Variants in CTDSPL observed in about 807,000 individuals in gnomAD.
CTDSPL encodes the protein CTD small phosphatase-like protein.
In CTDSPL, 8 loss-of-function variants were observed where a neutral mutation model predicts 30.5. The observed-to-expected ratio is 0.26, with a 90% CI of 0.15 to 0.47. The LOEUF is 0.47. Ranked by LOEUF, CTDSPL falls within the 20% of genes least tolerant of loss-of-function variation. The pLI is 0.99. For missense variants in CTDSPL, 248 were observed against 366.1 expected (o/e 0.68, Z 2.63); for synonymous variants, 110 against 137.9 (o/e 0.80, Z 1.42).
intron 1 of CTDSPL, among the ~76,000 whole-genome samples, chr3:37,863,772 C>T (rs1358199563): frequency 6.6e-6 from 1 of 152,238 alleles, no homozygotes; most frequent in African/African-American, 2.4e-5. Context: ...GTCAGAAAAA[C>T]GGAAGGAACC....
At chr3:37,903,901 C>G (rs1327839666) in intron 1 of CTDSPL, among the ~76,000 whole-genome samples, 1 of 152,222 alleles carries the variant, frequency 6.6e-6, no homozygotes, top group Non-Finnish European at 1.5e-5. Context: ...GGTCACCAGG[C>G]CAGCCTTTAC....
At chr3:37,904,382 G>A (rs908723334) in intron 1 of CTDSPL, among the ~76,000 whole-genome samples, 68 of 152,204 alleles carry the variant, frequency 4.5e-4, no homozygotes, top group Non-Finnish European at 1.0e-4. Flanking sequence ...GACCCGCCCA[G>A]TGGATGGAAG....
chr3:37,882,218 G>A (rs1030981617), intron 1 of CTDSPL, among the ~76,000 whole-genome samples: 19 of 151,924 alleles, frequency 1.3e-4, no homozygotes, highest in African/African-American at 3.4e-4. Flanking sequence ...CGAGGCGGGC[G>A]GATCACGAGG....
intron 1 of CTDSPL, among the ~76,000 whole-genome samples, chr3:37,945,400 C>CTGTATTTTCTCAATAGT (rs1319152386): frequency 7.5e-6 from 1 of 133,474 alleles, no homozygotes; most frequent in Non-Finnish European, 1.8e-5. Flanking sequence ...CACAATCCTG[C>CTGTATTTTCTCAATAGT]TGTATTTTCT....
At chr3:37,934,327 TAAAA>T (rs879495242) in intron 1 of CTDSPL, among the ~76,000 whole-genome samples, 3 of 142,088 alleles carry the variant, frequency 2.1e-5, no homozygotes, top group South Asian at 2.2e-4. Context: ...CCCTCTCTCT[TAAAA>T]AAAAAAAAGA....
intron 1 of CTDSPL, among the ~76,000 whole-genome samples, chr3:37,899,243 C>T (rs984397011): frequency 6.6e-6 from 1 of 152,168 alleles, no homozygotes; most frequent in Non-Finnish European, 1.5e-5. Flanking sequence ...AATGGAGGAG[C>T]TCACCTAGGG....
At chr3:37,894,279 G>A (rs947908944) in intron 1 of CTDSPL, among the ~76,000 whole-genome samples, 3 of 150,692 alleles carry the variant, frequency 2.0e-5, no homozygotes, top group Admixed American at 6.6e-5. Context: ...TTTTTTTGTA[G>A]AGACGAGAGT....
intron 2 of CTDSPL, among the ~76,000 whole-genome samples, chr3:37,956,157 G>GAC (rs1699170478): frequency 6.6e-6 from 1 of 152,200 alleles, no homozygotes; most frequent in Non-Finnish European, 1.5e-5. Flanking sequence ...ACTAGGGGTT[G>GAC]GAGATAATCA....
chr3:37,949,794 C>T (rs1699087364), intron 2 of CTDSPL, among the ~76,000 whole-genome samples: 2 of 152,198 alleles, frequency 1.3e-5, no homozygotes, highest in African/African-American at 4.8e-5. Flanking sequence ...TATTAAAATT[C>T]CCTCCCAGGA....
intron 7 of CTDSPL, among the ~76,000 whole-genome samples, chr3:37,976,215 G>C (rs1377504096): frequency 6.6e-6 from 1 of 152,094 alleles, no homozygotes; most frequent in African/African-American, 2.4e-5. Context: ...TCGTCTTATT[G>C]ACATTTTTAG....
intron 3 of CTDSPL, 41 bp from the exon 4 acceptor site, chr3:37,964,530 C>T (rs747059151): frequency 7.0e-7 from 1 of 1,420,146 alleles, no homozygotes; most frequent in Admixed American, 1.7e-5. Context: ...ATTGGTTTGT[C>T]TTTTACATAA....
intron 2 of CTDSPL, among the ~76,000 whole-genome samples, chr3:37,950,797 A>G (rs1454986051): frequency 6.6e-6 from 1 of 152,260 alleles, no homozygotes; most frequent in African/African-American, 2.4e-5. Flanking sequence ...TTAAGGACAA[A>G]GAGAAAGTCT....
chr3:37,879,115 A>G (rs2125591414), intron 1 of CTDSPL, among the ~76,000 whole-genome samples: 1 of 152,174 alleles, frequency 6.6e-6, no homozygotes, highest in Admixed American at 6.5e-5. Flanking sequence ...CTTTTTCTCT[A>G]AGTGGCTTGA....
intron 1 of CTDSPL, among the ~76,000 whole-genome samples, chr3:37,867,094 G>A (rs1171381285): frequency 6.6e-6 from 1 of 152,092 alleles, no homozygotes; most frequent in African/African-American, 2.4e-5. Flanking sequence ...GCCCTTCAGA[G>A]TCACACTGCT....
intron 3 of CTDSPL, among the ~76,000 whole-genome samples, chr3:37,958,283 T>A (rs1480082194): frequency 6.6e-6 from 1 of 152,222 alleles, no homozygotes; most frequent in Non-Finnish European, 1.5e-5. Context: ...TGATTCTGAC[T>A]TTGCCCATGT....
intron 3 of CTDSPL, among the ~76,000 whole-genome samples, chr3:37,959,548 CT>C (rs1176098434): frequency 6.6e-6 from 1 of 152,208 alleles, no homozygotes; most frequent in African/African-American, 2.4e-5. Flanking sequence ...TTGCTTGTTA[CT>C]TTCTAACAAG....
intron 1 of CTDSPL, among the ~76,000 whole-genome samples, chr3:37,935,875 C>CA (rs1698909543): frequency 6.6e-6 from 1 of 152,140 alleles, no homozygotes; most frequent in South Asian, 2.1e-4. Context: ...GCCCTGGAGT[C>CA]AGGTTGTTCT....
At chr3:37,961,544 G>C (rs1424757111) in intron 3 of CTDSPL, among the ~76,000 whole-genome samples, 1 of 152,180 alleles carries the variant, frequency 6.6e-6, no homozygotes, top group Non-Finnish European at 1.5e-5. Context: ...ATGCTGAAAG[G>C]GGAGAGGATT....
intron 7 of CTDSPL, among the ~76,000 whole-genome samples, chr3:37,978,026 G>A (rs911026666): frequency 1.2e-4 from 19 of 152,240 alleles, no homozygotes; most frequent in African/African-American, 4.6e-4. Context: ...TTCAGGTGGT[G>A]TTAGCCTGAT....
Sources: allele counts gnomAD v4.1 joint callset (sites outside exome capture counted in the v4.1 genomes callset), GRCh38; gene constraint gnomAD v4.1.1; transcripts MANE v1.5; gene names NCBI Gene and HGNC (gene_info 2026-07-23, HGNC 2026-07-21).